Variants in CCDC88C observed in about 807,000 individuals in gnomAD.
CCDC88C encodes coiled-coil and HOOK domain protein 88C.
In CCDC88C, 131 loss-of-function variants were observed where a neutral mutation model predicts 198.8. The observed-to-expected ratio is 0.66, with a 90% CI of 0.57 to 0.76. The LOEUF (loss-of-function observed/expected upper bound fraction) is 0.76. Ranked by LOEUF, CCDC88C falls within the 30% of genes least tolerant of loss-of-function variation. CCDC88C has a pLI of 0.00. For missense variants in CCDC88C, 2,553 were observed against 2,631.6 expected (o/e 0.97, Z 0.65); for synonymous variants, 1,166 against 1,114.7 (o/e 1.05, Z -0.92).
chr14:91,309,831 G>A (rs769876038), intron 16 of CCDC88C, 28 bp downstream of exon 16: 21 of 1,593,614 alleles, frequency 1.3e-5, no homozygotes, highest in East Asian at 2.3e-5. Flanking sequence ...GTGCTCCCAC[G>A]ATGGGGAGAG....
At chr14:91,386,778 A>G (rs933620492) in intron 3 of CCDC88C, among the ~76,000 whole-genome samples, 4 of 152,208 alleles carry the variant, frequency 2.6e-5, no homozygotes, top group Non-Finnish European at 2.9e-5. Context: ...CCTCACGCCC[A>G]GCGCCAAAAC....
chr14:91,283,265 C>G, intron 26 of CCDC88C, 64 bp downstream of exon 26: 1 of 1,515,896 alleles, frequency 6.6e-7, no homozygotes, highest in Non-Finnish European at 9.0e-7. Flanking sequence ...TTTCCGAGAG[C>G]CTGGGGTCTT....
intron 18 of CCDC88C, 46 bp downstream of exon 18, chr14:91,306,988 GTCTC>G (rs200376745): frequency 5.0e-5 from 74 of 1,482,604 alleles, no homozygotes; most frequent in Non-Finnish European, 6.4e-5. Context: ...TGATAAGGCA[GTCTC>G]TCTCTCTCTG....
At chr14:91,297,537 A>C in intron 21 of CCDC88C, 46 bp from the exon 22 acceptor site, 1 of 1,541,004 alleles carries the variant, frequency 6.5e-7, no homozygotes, top group Non-Finnish European at 8.8e-7. Context: ...AGAGCCTGAC[A>C]AACAGGTAAC....
At chr14:91,295,289 T>C (rs2139761166) in intron 22 of CCDC88C, among the ~76,000 whole-genome samples, 1 of 152,378 alleles carries the variant, frequency 6.6e-6, no homozygotes, top group African/African-American at 2.4e-5. Context: ...AGCTATGGCA[T>C]TTTTTCACTA....
At chr14:91,411,276 G>A (rs1180614156) in intron 2 of CCDC88C, among the ~76,000 whole-genome samples, 1 of 152,064 alleles carries the variant, frequency 6.6e-6, no homozygotes, top group East Asian at 1.9e-4. Flanking sequence ...AAGAGACATG[G>A]GTTCTAGCCC....
At chr14:91,353,035 T>C (rs1047220406) in intron 4 of CCDC88C, among the ~76,000 whole-genome samples, 3 of 152,188 alleles carry the variant, frequency 2.0e-5, no homozygotes, top group African/African-American at 7.2e-5. Flanking sequence ...GAGGTTTCCA[T>C]GGGATCTGAA....
Position 91,272,743 on chromosome 14 carries a change from G to C in CCDC88C, c.5969C>G (p.Pro1990Arg). The C allele has an allele frequency of 6.2e-7, 1 of 1,609,232 alleles. No homozygotes were observed. Among genetic ancestry groups the C allele is most frequent in the Non-Finnish European group, 8.5e-7 (1 of 1,179,218 alleles). Residue 1990 changes from proline (P) to arginine (R), a missense_variant, in exon 30 of 30, where the codon CCC becomes CGC. Transcript: ENST00000389857. ...KSPGRSPDLA[P>R]HLGRALEDCS... is the part of the protein sequence containing the mutation. ...GTCCTCCAGGGCCCGGCCGAGGTGG[G>C]GAGCCAAATCGGGAGACCGACCTGG...
At chr14:91,333,542 A>G (rs956077534) in intron 10 of CCDC88C, among the ~76,000 whole-genome samples, 1 of 152,248 alleles carries the variant, frequency 6.6e-6, no homozygotes, top group Middle Eastern at 3.2e-3. Context: ...ATGTAAAACG[A>G]TGCTGTGTGC....
rs1428231141 is a variant in CCDC88C, at chr14:91,289,120, C to T, written c.4426G>A (p.Gly1476Arg). Reference sequence around the variant, plus strand: ...CCGCCCCTACCTTTCCCCACAGACCCGTTGTGGGCGTCGCGCTCTTCTGCA... The same window carrying T: ...CCGCCCCTACCTTTCCCCACAGACCTGTTGTGGGCGTCGCGCTCTTCTGCA... ...NCAEERDAHN[G>R]SVGKGPGDLK... Residue 1476 changes from glycine (G) to arginine (R), a missense_variant, in exon 25 of 30, where the codon GGG becomes AGG. Gly to Arg is a moderately radical substitution (Grantham distance 125, BLOSUM62 -2). Transcript: ENST00000389857. The T allele has an allele frequency of 3.7e-6, 6 of 1,612,520 alleles. No individual in the cohort carries two copies. The highest frequency in any genetic ancestry group is 3.4e-6 in the Non-Finnish European group (4 of 1,179,722).
At chr14:91,289,472 G>C (rs1890569615) in intron 24 of CCDC88C, 129 bp from the exon 25 acceptor site, 1 of 805,468 alleles carries the variant, frequency 1.2e-6, no homozygotes, top group Admixed American at 1.7e-5. Context: ...GTGGGGTTCA[G>C]GACAATGACG....
chr14:91,314,991 A>AAACAAAAGAAAACATG (rs1401274027), intron 14 of CCDC88C, among the ~76,000 whole-genome samples: 16 of 152,288 alleles, frequency 1.1e-4, no homozygotes, highest in Non-Finnish European at 1.5e-4. Flanking sequence ...AAGAAAACAT[A>AAACAAAAGAAAACATG]AACAAAAACA....
chr14:91,371,916 C>A lies in CCDC88C; in HGVS notation c.271-12205G>T, dbSNP rs992255158. Among the ~76,000 whole-genome samples the A allele has an allele frequency of 6.6e-6, 1 of 152,162 alleles. No homozygotes were observed. The highest frequency in any genetic ancestry group is 2.4e-5 in the African/African-American group (1 of 41,438). On this transcript the variant is annotated intron_variant, in intron 3 of 29. Coordinates refer to ENST00000389857, the MANE Select transcript of CCDC88C (RefSeq NM_001080414.4). The surrounding 1 kb of genome is among the most constrained non-coding windows in gnomAD (Gnocchi z 4.2). ...AGGAGCCTCCAGCGGTAGATGGCAG[C>A]CCAGACCACCCCAGCCTGCTGGGAC...
chr14:91,339,182 G>T lies in CCDC88C; in HGVS notation c.809+96C>A. Reference sequence around the variant, plus strand: ...AGCTGACTCCGGGGCACACGTCAGAGCTGTGCCATTGGCAGCACCACACAT... The same window carrying T: ...AGCTGACTCCGGGGCACACGTCAGATCTGTGCCATTGGCAGCACCACACAT... On this transcript the variant is annotated intron_variant, in intron 8 of 29. Coordinates refer to ENST00000389857, the MANE Select transcript of CCDC88C (RefSeq NM_001080414.4). The surrounding 1 kb of genome is among the most constrained non-coding windows in gnomAD (Gnocchi z 5.8). 7.0e-7 allele frequency: 1 copy of T among 1,419,530 alleles called. No individual in the cohort carries two copies. The highest frequency in any genetic ancestry group is 9.8e-7 in the Non-Finnish European group (1 of 1,024,618). The allele number at this position is 1,419,530 out of a possible 1,614,324, so 87.9% of individuals were successfully genotyped here. A position where few individuals can be genotyped will look rare whatever the true frequency, so the allele number is the denominator to read the frequency against.
intron 3 of CCDC88C, among the ~76,000 whole-genome samples, chr14:91,390,217 C>A (rs916066381): frequency 6.6e-6 from 1 of 152,170 alleles, no homozygotes; most frequent in East Asian, 1.9e-4. Flanking sequence ...TTCCAAACCC[C>A]TTATGATGAC....
At position 91,273,475 on chromosome 14, in the gene CCDC88C, T is replaced by C; in HGVS notation, c.5237A>G (p.Lys1746Arg). 6.3e-7 allele frequency: 1 copy of C among 1,575,314 alleles called. No individual in the cohort carries two copies. Among genetic ancestry groups the C allele is most frequent in the South Asian group, 1.2e-5 (1 of 86,438 alleles). Residue 1746 changes from lysine to arginine, a missense_variant, in exon 30 of 30, where the codon AAG becomes AGG. By Grantham distance (26) the Lys-to-Arg change is conservative. Coordinates refer to ENST00000389857, the MANE Select transcript of CCDC88C (RefSeq NM_001080414.4). This position sits in a 1 kb window ranked among gnomAD's most constrained non-coding sequence, Gnocchi z 5.6. ...GTTTGGCTTTACGTACTGCCCGGGCTTCAGCGGCCTCCCCTCCGAGGTGGG... is the reference window on the plus strand; with the variant it reads ...GTTTGGCTTTACGTACTGCCCGGGCCTCAGCGGCCTCCCCTCCGAGGTGGG... Reference protein sequence around the residue: ...AAPTSEGRPLKPGQYVKPNFR... With the variant: ...AAPTSEGRPLRPGQYVKPNFR...
chr14:91,326,899 C>T (rs1323363948), intron 10 of CCDC88C, among the ~76,000 whole-genome samples: 1 of 152,236 alleles, frequency 6.6e-6, no homozygotes, highest in Non-Finnish European at 1.5e-5. Flanking sequence ...AGTTTCAGCA[C>T]AGCAAACCAC....
At chr14:91,308,632 G>T in intron 16 of CCDC88C, 140 bp from the exon 17 acceptor site, 1 of 872,144 alleles carries the variant, frequency 1.1e-6, no homozygotes, top group Non-Finnish European at 1.8e-6. Flanking sequence ...AAGAACTCAC[G>T]AGCCAAAACT....
chr14:91,316,882 T>C (rs1056089081), intron 13 of CCDC88C, among the ~76,000 whole-genome samples: 2 of 152,338 alleles, frequency 1.3e-5, no homozygotes, highest in Admixed American at 1.3e-4. Context: ...GGCTAAGGTA[T>C]GGGATGGCTG....
Sources: gnomAD v4.1 joint callset for allele counts (sites outside exome capture counted in the v4.1 genomes callset) on GRCh38, gnomAD v4.1.1 for gene constraint, Gnocchi (gnomAD v3.1) non-coding constraint, MANE v1.5 for transcripts, NCBI Gene and HGNC (gene_info 2026-07-23, HGNC 2026-07-21) for gene names.